Variants in PTPRN2 observed in about 807,000 individuals in gnomAD.
PTPRN2 encodes receptor-type tyrosine-protein phosphatase N2.
In PTPRN2, 74 loss-of-function variants were observed where a neutral mutation model predicts 118.8. The observed-to-expected ratio is 0.62, with a 90% CI of 0.52 to 0.76. The LOEUF is 0.76. PTPRN2 is among the 30% of genes least tolerant of loss of function. PTPRN2 has a pLI of 0.00. For missense variants in PTPRN2, 1,481 were observed against 1,394.4 expected (o/e 1.06, Z -0.99); for synonymous variants, 641 against 608.0 (o/e 1.05, Z -0.80).
chr7:157,909,958 C>G (rs1398225384), intron 11 of PTPRN2, among the ~76,000 whole-genome samples: 1 of 152,228 alleles, frequency 6.6e-6, no homozygotes, highest in African/African-American at 2.4e-5. Flanking sequence ...GCATTACTAT[C>G]TCTAGGATGA....
intron 15 of PTPRN2, among the ~76,000 whole-genome samples, chr7:157,606,732 G>A (rs948298341): frequency 9.2e-5 from 14 of 152,162 alleles, no homozygotes; most frequent in African/African-American, 2.9e-4. Context: ...GAAGCTGCAC[G>A]GACTCTGCTT....
At chr7:157,821,780 C>T (rs1468667507) in intron 12 of PTPRN2, among the ~76,000 whole-genome samples, 1 of 152,046 alleles carries the variant, frequency 6.6e-6, no homozygotes, top group African/African-American at 2.4e-5. Flanking sequence ...AAACCAGAGG[C>T]CAGGGAAACC....
At chr7:158,536,795 C>T (rs1825675089) in intron 1 of PTPRN2, among the ~76,000 whole-genome samples, 2 of 151,688 alleles carry the variant, frequency 1.3e-5, no homozygotes, top group African/African-American at 4.8e-5. Context: ...ATGACCTTCC[C>T]AGCCTGCCAT....
intron 3 of PTPRN2, among the ~76,000 whole-genome samples, chr7:158,262,875 GCACA>G (rs557962006): frequency 2.4e-5 from 3 of 127,390 alleles, no homozygotes; most frequent in Non-Finnish European, 3.2e-5. Context: ...TTCACACACT[GCACA>G]CACATACATT....
chr7:157,894,171 G>A (rs75001539), intron 12 of PTPRN2, among the ~76,000 whole-genome samples: 1,536 of 152,302 alleles, frequency 0.01, 23 homozygotes, highest in African/African-American at 0.036. Flanking sequence ...TCGAAATCCC[G>A]CATGACGCAT....
chr7:158,397,413 G>T (rs974199293), intron 2 of PTPRN2, among the ~76,000 whole-genome samples: 1 of 152,206 alleles, frequency 6.6e-6, no homozygotes, highest in Admixed American at 6.5e-5. Context: ...CCTCAGGGTT[G>T]CCCTCCAAGT....
intron 17 of PTPRN2, among the ~76,000 whole-genome samples, chr7:157,579,425 C>T (rs933117208): frequency 6.6e-6 from 1 of 152,224 alleles, no homozygotes; most frequent in Non-Finnish European, 1.5e-5. Context: ...TCCTCCAAAT[C>T]GGTTCTTCCA....
chr7:158,124,156 A>G (rs1314514307), intron 9 of PTPRN2, among the ~76,000 whole-genome samples: 2 of 152,222 alleles, frequency 1.3e-5, no homozygotes, highest in African/African-American at 4.8e-5. Flanking sequence ...TCCATCATCA[A>G]ATGGAAGTGG....
intron 10 of PTPRN2, among the ~76,000 whole-genome samples, chr7:158,108,029 C>A (rs1815827139): frequency 6.6e-6 from 1 of 151,920 alleles, no homozygotes; most frequent in South Asian, 2.1e-4. Flanking sequence ...CACCTGCCCC[C>A]CAAAAAACAT....
At chr7:157,685,927 G>T (rs931440283) in intron 12 of PTPRN2, among the ~76,000 whole-genome samples, 2 of 152,046 alleles carry the variant, frequency 1.3e-5, no homozygotes, top group Non-Finnish European at 2.9e-5. Context: ...GGTGGGAGCC[G>T]CCCCAGGCCC....
At chr7:158,111,311 G>A (rs1816251004) in intron 9 of PTPRN2, among the ~76,000 whole-genome samples, 1 of 152,210 alleles carries the variant, frequency 6.6e-6, no homozygotes, top group African/African-American at 2.4e-5. Flanking sequence ...GCCCCAGTGA[G>A]GGGCAATTTA....
chr7:157,740,056 T>A (rs768584616), intron 12 of PTPRN2, among the ~76,000 whole-genome samples: 14 of 152,244 alleles, frequency 9.2e-5, no homozygotes, highest in Non-Finnish European at 1.9e-4. Flanking sequence ...TGGGTTTAAC[T>A]GTACATTATA....
intron 12 of PTPRN2, among the ~76,000 whole-genome samples, chr7:157,812,230 C>T (rs926912659): frequency 6.6e-6 from 1 of 152,180 alleles, no homozygotes; most frequent in African/African-American, 2.4e-5. Flanking sequence ...ATCCGAGGGG[C>T]CGTCCTCCTC....
chr7:157,973,598 A>C (rs1802505165), intron 11 of PTPRN2, among the ~76,000 whole-genome samples: 1 of 152,198 alleles, frequency 6.6e-6, no homozygotes, highest in South Asian at 2.1e-4. Context: ...TTACCCTGTA[A>C]AGAATATCCT....
intron 3 of PTPRN2, among the ~76,000 whole-genome samples, chr7:158,278,349 A>C (rs1799176064): frequency 1.0e-4 from 2 of 19,482 alleles, no homozygotes. Context: ...CTAAAATACA[A>C]AAAAAAAAAA....
chr7:158,408,448 G>C (rs140889210), intron 2 of PTPRN2, among the ~76,000 whole-genome samples: 1 of 152,152 alleles, frequency 6.6e-6, no homozygotes, highest in Non-Finnish European at 1.5e-5. Flanking sequence ...GAAGAAAACC[G>C]TCACCACTGT....
intron 2 of PTPRN2, among the ~76,000 whole-genome samples, chr7:158,458,981 G>A (rs568004132): frequency 6.6e-6 from 1 of 152,340 alleles, no homozygotes; most frequent in South Asian, 2.1e-4. Flanking sequence ...GAAGACACGA[G>A]AGGCAGGAGA....
rs150727535 is a variant in PTPRN2, at chr7:158,277,491, T to C, written c.277+39328A>G. 4.7e-3 allele frequency among the ~76,000 whole-genome samples: 720 copies of C among 152,270 alleles called. 6 individuals carry two copies. The highest frequency in any genetic ancestry group is 0.014 in the Middle Eastern group (4 of 294). ...GATGAACCCTGAAAACACTGACCCC[T>C]GAAATCAGCAAGAGGAGGCGGCTAC... is the stretch of plus-strand genomic sequence containing the variant. On this transcript the variant is annotated intron_variant, in intron 3 of 22. Transcript: ENST00000389418.
At chr7:157,569,761 T>C (rs1799669373) in intron 20 of PTPRN2, among the ~76,000 whole-genome samples, 1 of 152,178 alleles carries the variant, frequency 6.6e-6, no homozygotes, top group Admixed American at 6.5e-5. Flanking sequence ...GTTGCATGAG[T>C]TTGAGAGACC....
Sources: allele counts gnomAD v4.1 joint callset (sites outside exome capture counted in the v4.1 genomes callset), GRCh38; gene constraint gnomAD v4.1.1; transcripts MANE v1.5; gene names NCBI Gene and HGNC (gene_info 2026-07-23, HGNC 2026-07-21).